Variants in SF3B1 observed in about 807,000 individuals in gnomAD.
SF3B1 encodes splicing factor 3b subunit 1.
In SF3B1, 12 loss-of-function variants were observed where a neutral mutation model predicts 153.8. That is an observed-to-expected ratio of 0.08 (90% CI 0.05 to 0.13). SF3B1 has a LOEUF of 0.13. Among genes scored for constraint, SF3B1 ranks in the 10% least tolerant of loss-of-function variants. The pLI, the probability that SF3B1 is intolerant of heterozygous loss-of-function variation, is 1.00. For missense variants in SF3B1, 513 were observed against 1,606.1 expected, an observed-to-expected ratio of 0.32 and a Z score of 11.63; for synonymous variants, 498 against 525.2, an observed-to-expected ratio of 0.95 and a Z score of 0.71.
In SF3B1 at chr2:197,400,128, C is replaced by T. The variant is rs560829872; in HGVS notation, c.2940G>A (p.Glu980=). 1 of 1,613,924 alleles carries T rather than the reference C, an allele frequency of 6.2e-7. No individual in the cohort carries two copies. The highest frequency in any genetic ancestry group is 1.1e-5 in the South Asian group (1 of 91,070). Residue 980 remains glutamate, a synonymous_variant, in exon 20 of 25, where the codon GAG becomes GAA. Transcript: ENST00000335508. The surrounding 1 kb of genome is among the most constrained non-coding windows in gnomAD (Gnocchi z 5.0). The stretch of plus-strand genomic sequence containing the variant: ...CTTCAGGGTACTCTTCACCCAAATA[C>T]TCATACAATACAACACCCAAGTGTC... ...LMGHLGVVLY[E]YLGEEYPEVL...
intron 24 of SF3B1, 83 bp from the exon 25 acceptor site, chr2:197,392,544 A>G: frequency 3.6e-6 from 1 of 279,924 alleles, no homozygotes; most frequent in East Asian, 1.1e-4. Context: ...TAAAGATATG[A>G]TTCAAAATTA....
At chr2:197,423,041 C>T (rs558028748) in intron 2 of SF3B1, among the ~76,000 whole-genome samples, 1 of 152,130 alleles carries the variant, frequency 6.6e-6, no homozygotes, top group Middle Eastern at 3.4e-3. Context: ...AAAGGCAGTC[C>T]TCCTCCATAG....
At chr2:197,431,354 G>A (rs1387122786) in intron 1 of SF3B1, among the ~76,000 whole-genome samples, 1 of 151,754 alleles carries the variant, frequency 6.6e-6, no homozygotes, top group African/African-American at 2.4e-5. Flanking sequence ...TCCTAACCTT[G>A]GGTGATCTGC....
chr2:197,414,675 A>G (rs1009707412), intron 6 of SF3B1, among the ~76,000 whole-genome samples: 7 of 152,242 alleles, frequency 4.6e-5, no homozygotes, highest in Non-Finnish European at 8.8e-5. Flanking sequence ...TAGAAATTAC[A>G]TAAGACTAGA....
rs1379125075 is a variant in SF3B1, at chr2:197,391,821, C to G, written c.*482G>C. The G allele has an allele frequency of 1.9e-5, 3 of 158,750 alleles. No homozygotes were observed. The highest frequency in any genetic ancestry group is 7.2e-5 in the African/African-American group (3 of 41,666). The allele number at this position is 158,750 out of a possible 1,614,324, so 9.8% of individuals were successfully genotyped here. On this transcript the variant is annotated 3_prime_UTR_variant, in exon 25 of 25. Coordinates refer to ENST00000335508, the MANE Select transcript of SF3B1 (RefSeq NM_012433.4). ...TATTAACACAACAATGGAATTTTGA[C>G]AAAGATGCCATCACTTTATATAGTT...
At chr2:197,429,654 C>T (rs1432098833) in intron 1 of SF3B1, among the ~76,000 whole-genome samples, 3 of 151,928 alleles carry the variant, frequency 2.0e-5, no homozygotes, top group Non-Finnish European at 2.9e-5. Context: ...TGTGATGGCG[C>T]GCGTCTGTAG....
At position 197,391,022 on chromosome 2, in the gene SF3B1, C is replaced by A. The variant is rs996629438; in HGVS notation, c.*1281G>T. 4.0e-5 allele frequency: 6 copies of A among 151,852 alleles called. No homozygotes were observed. Among genetic ancestry groups the A allele is most frequent in the Non-Finnish European group, 7.4e-5 (5 of 67,966 alleles). The allele number at this position is 151,852 out of a possible 1,614,324, so 9.4% of individuals were successfully genotyped here. A position where few individuals can be genotyped will look rare whatever the true frequency, so the allele number is the denominator to read the frequency against. On this transcript the variant is annotated 3_prime_UTR_variant, in exon 25 of 25. Transcript: ENST00000335508. ...CAGAATTTTTTTTCCCTTTAGAGTT[C>A]ACAGAAGTACTACCACATGGAGACA...
At chr2:197,431,020 T>C (rs1413183508) in intron 1 of SF3B1, among the ~76,000 whole-genome samples, 2 of 151,728 alleles carry the variant, frequency 1.3e-5, no homozygotes, top group East Asian at 3.9e-4. Context: ...ATATCACTGA[T>C]AGCAGAAGGT....
chr2:197,420,647 G>A (rs2085225511), intron 3 of SF3B1, 105 bp from the exon 4 acceptor site: 1 of 656,694 alleles, frequency 1.5e-6, no homozygotes, highest in Non-Finnish European at 2.6e-6. Flanking sequence ...TTTAATACAT[G>A]CCTACTAATA....
intron 6 of SF3B1, among the ~76,000 whole-genome samples, chr2:197,411,909 A>G (rs2085074159): frequency 6.6e-6 from 1 of 152,100 alleles, no homozygotes; most frequent in Non-Finnish European, 1.5e-5. Context: ...CAGCCTGGCC[A>G]ACATGGCAAA....
Position 197,390,659 on chromosome 2 carries a change from T to C in SF3B1, c.*1644A>G, listed in dbSNP as rs1426745263. ...AGTCTCTGTCGCCCAGGCTGGAGTG[T>C]AGCAGCGCTATCTCGGCTCACTGCA... is the stretch of plus-strand genomic sequence containing the variant. On this transcript the variant is annotated 3_prime_UTR_variant, in exon 25 of 25. Transcript: ENST00000335508. 1.3e-5 allele frequency: 2 copies of C among 151,100 alleles called. No individual in the cohort carries two copies. Among genetic ancestry groups the C allele is most frequent in the East Asian group, 1.9e-4 (1 of 5,130 alleles). 9.4% of individuals were successfully genotyped at this position (151,100 alleles called of 1,614,324 possible). A position where few individuals can be genotyped will look rare whatever the true frequency, so the allele number is the denominator to read the frequency against.
chr2:197,433,957 T>C (rs1313160833), intron 1 of SF3B1, among the ~76,000 whole-genome samples: 1 of 152,238 alleles, frequency 6.6e-6, no homozygotes, highest in Non-Finnish European at 1.5e-5. Context: ...TGCTGCTTTT[T>C]CTTCTACTTA....
At chr2:197,416,698 A>T in intron 6 of SF3B1, 43 bp downstream of exon 6, 1 of 1,579,040 alleles carries the variant, frequency 6.3e-7, no homozygotes, top group Non-Finnish European at 8.6e-7. Context: ...CATAACAGAA[A>T]AAAATTTTTT....
At position 197,400,798 on chromosome 2, in the gene SF3B1, A is replaced by T. The variant is rs1475251164; in HGVS notation, c.2635T>A (p.Leu879Met). The change falls in exon 18 of 25, where the codon TTG becomes ATG. Residue 879 changes from leucine (L) to methionine (M), a missense_variant. This residue lies in a region of SF3B1 where 14 missense variants were observed against 17.4 expected (regional missense o/e 0.80). Coordinates refer to ENST00000335508, the MANE Select transcript of SF3B1 (RefSeq NM_012433.4). The surrounding 1 kb of genome is among the most constrained non-coding windows in gnomAD (Gnocchi z 5.0). ...TTATGATCAATATCTGCTGCTCCCA[A>T]ATTACCCATAATTTTCTCAATTGTC... The part of the protein sequence containing the change: ...METIEKIMGN[L>M]GAADIDHKLE... The T allele has an allele frequency of 1.2e-6, 2 of 1,613,016 alleles. No homozygotes were observed. The highest frequency in any genetic ancestry group is 1.7e-6 in the Non-Finnish European group (2 of 1,179,232).
Position 197,420,309 on chromosome 2 carries a change from A to C in SF3B1, c.415+119T>G, listed in dbSNP as rs139280364. The C allele has an allele frequency of 8.6e-4, 605 of 704,330 alleles. 2 individuals carry two copies. Among genetic ancestry groups the C allele is most frequent in the Admixed American group, 2.1e-3 (87 of 41,724 alleles). The allele number at this position is 704,330 out of a possible 1,614,324, so 43.6% of individuals were successfully genotyped here. Reference sequence around the variant, plus strand: ...AACCACATCTATACAAATCTATAGTAAGGGGGATTTTTAAAAAGAAAAGCA... The same window carrying C: ...AACCACATCTATACAAATCTATAGTCAGGGGGATTTTTAAAAAGAAAAGCA... On this transcript the variant is annotated intron_variant, in intron 4 of 24. Coordinates refer to ENST00000335508, the MANE Select transcript of SF3B1 (RefSeq NM_012433.4).
chr2:197,423,811 T>C lies in SF3B1; in HGVS notation c.192A>G (p.Glu64=), dbSNP rs560285371. 1 of 1,612,652 alleles carries C rather than the reference T, an allele frequency of 6.2e-7. No individual in the cohort carries two copies. The highest frequency in any genetic ancestry group is 1.3e-5 in the African/African-American group (1 of 75,012). Residue 64 remains glutamate, a synonymous_variant, in exon 2 of 25, where the codon GAA becomes GAG. Transcript: ENST00000335508. The part of the protein sequence containing the change: ...YVTSIAATEL[E]DDDDDYSSST... ...TTGTACATAATTTGTAACTTACATC[T>C]TCAAGTTCAGTTGCAGCAATTGATG...
chr2:197,397,810 A>T (rs2084894154), intron 22 of SF3B1, 175 bp downstream of exon 22: 1 of 470,806 alleles, frequency 2.1e-6, no homozygotes, highest in East Asian at 3.4e-5. Context: ...AAAAAAAAAA[A>T]AGAATTTAAC....
At chr2:197,394,301 G>A (rs2084850568) in intron 23 of SF3B1, among the ~76,000 whole-genome samples, 1 of 152,064 alleles carries the variant, frequency 6.6e-6, no homozygotes, top group African/African-American at 2.4e-5. Flanking sequence ...CTCCCACCTT[G>A]GCCTCCCAAA....
chr2:197,392,660 C>T (rs561152694), intron 24 of SF3B1, among the ~76,000 whole-genome samples, 199 bp from the exon 25 acceptor site: 16 of 150,458 alleles, frequency 1.1e-4, no homozygotes, highest in African/African-American at 3.2e-4. Context: ...ATTGTTCTAC[C>T]ATATGGCACA....
Sources: gnomAD v4.1 joint callset for allele counts (sites outside exome capture counted in the v4.1 genomes callset) on GRCh38, gnomAD v4.1.1 for gene constraint, gnomAD v4.1.1 regional missense constraint, Gnocchi (gnomAD v3.1) non-coding constraint, MANE v1.5 for transcripts, NCBI Gene and HGNC (gene_info 2026-07-23, HGNC 2026-07-21) for gene names.